Variants in PDXK observed in about 807,000 individuals in gnomAD.
The protein encoded by PDXK is pyridoxal kinase.
In PDXK, 15 loss-of-function variants were observed where a neutral mutation model predicts 43.2. The observed-to-expected ratio is 0.35, with a 90% CI of 0.23 to 0.53. The LOEUF (loss-of-function observed/expected upper bound fraction) is 0.53, where lower values mean the gene tolerates loss of function less well. Among genes scored for constraint, PDXK ranks in the 20% least tolerant of loss-of-function variants. The pLI is 0.92. For synonymous variants in PDXK, 172 were observed against 165.4 expected, an observed-to-expected ratio of 1.04 and a Z score of -0.31; for missense variants, 343 against 417.0, an observed-to-expected ratio of 0.82 and a Z score of 1.54.
intron 7 of PDXK, 100 bp from the exon 8 acceptor site, chr21:43,752,418 T>TC (rs2083769743): frequency 1.3e-6 from 1 of 776,774 alleles, no homozygotes; most frequent in Admixed American, 1.9e-5. Flanking sequence ...TGGCTGATGC[T>TC]CCCCGTGCCA....
At chr21:43,733,121 A>G (rs1393647173) in intron 1 of PDXK, among the ~76,000 whole-genome samples, 2 of 152,204 alleles carry the variant, frequency 1.3e-5, no homozygotes, top group Non-Finnish European at 2.9e-5. Context: ...TAGTTCAGTG[A>G]TAATACCGGC....
At chr21:43,743,135 C>T (rs2083568457) in intron 3 of PDXK, among the ~76,000 whole-genome samples, 1 of 103,480 alleles carries the variant, frequency 9.7e-6, no homozygotes, top group Non-Finnish European at 1.9e-5. Flanking sequence ...ACTATGGGGA[C>T]ACCTCGCCTG....
chr21:43,741,780 C>G lies in PDXK; in HGVS notation c.247+9C>G. 1 of 1,574,090 alleles carries G rather than the reference C, an allele frequency of 6.4e-7. No homozygotes were observed. Among genetic ancestry groups the G allele is most frequent in the South Asian group, 1.1e-5 (1 of 90,320 alleles). ...TGACTACGTGCTCACAGGTAGGTGC[C>G]GGAGCAAGCTGCCGCAGGGGACTAC... On this transcript the variant is annotated intron_variant, in intron 3 of 10. Coordinates refer to ENST00000291565, the MANE Select transcript of PDXK (RefSeq NM_003681.5).
chr21:43,722,174 T>G (rs914323567), intron 1 of PDXK, among the ~76,000 whole-genome samples: 2 of 151,930 alleles, frequency 1.3e-5, no homozygotes, highest in Admixed American at 6.6e-5. Context: ...CAGGAAGGAG[T>G]GGAGGGAACT....
In PDXK at chr21:43,732,644, G is replaced by C. The variant is rs1173658771; in HGVS notation, c.88-1425G>C. 2.6e-6 allele frequency: 2 copies of C among 781,038 alleles called. No homozygotes were observed. Among genetic ancestry groups the C allele is most frequent in the Non-Finnish European group, 4.8e-6 (2 of 419,332 alleles). 48.4% of individuals were successfully genotyped at this position (781,038 alleles called of 1,614,324 possible). ...GTTGCTTAATATCTGTTTCTTCACA[G>C]TCGGTTAGAATTTTAAAGGATTTGA... On this transcript the variant is annotated intron_variant, in intron 1 of 10. Coordinates refer to ENST00000291565, the MANE Select transcript of PDXK (RefSeq NM_003681.5). The surrounding 1 kb of genome is among the most constrained non-coding windows in gnomAD (Gnocchi z 4.1).
At chr21:43,726,964 C>T (rs968336821) in intron 1 of PDXK, among the ~76,000 whole-genome samples, 1 of 152,026 alleles carries the variant, frequency 6.6e-6, no homozygotes, top group Non-Finnish European at 1.5e-5. Context: ...CATGTCTGGG[C>T]ATGCATGCGT....
At position 43,732,412 on chromosome 21, in the gene PDXK, C is replaced by G. The variant is rs373564479; in HGVS notation, c.88-1657C>G. ...CTCTGGAAGCGTCCAGACCAGCTTGCGATGCTGATGAATAAGCTGATTTTG... is the reference window on the plus strand; with the variant it reads ...CTCTGGAAGCGTCCAGACCAGCTTGGGATGCTGATGAATAAGCTGATTTTG... On this transcript the variant is annotated intron_variant, in intron 1 of 10. Transcript: ENST00000291565. The surrounding 1 kb of genome is among the most constrained non-coding windows in gnomAD (Gnocchi z 4.1). 5 of 1,612,862 alleles carry G rather than the reference C, an allele frequency of 3.1e-6. No individual in the cohort carries two copies. The South Asian group carries it at 5.5e-5, about 18-fold the overall frequency.
At chr21:43,724,575 C>A (rs1016424508) in intron 1 of PDXK, among the ~76,000 whole-genome samples, 4 of 151,974 alleles carry the variant, frequency 2.6e-5, no homozygotes, top group African/African-American at 9.7e-5. Context: ...GGTGCGGTGG[C>A]TCACACCTAT....
At chr21:43,755,651 G>C in intron 9 of PDXK, 47 bp from the exon 10 acceptor site, 2 of 1,456,682 alleles carry the variant, frequency 1.4e-6, no homozygotes, top group Non-Finnish European at 1.9e-6. Context: ...GGGCACGTCG[G>C]GTGTTGTGAG....
rs746467291 is a variant in PDXK, at chr21:43,753,702, C to T, written c.742C>T (p.His248Tyr). 1 of 1,613,146 alleles carries T rather than the reference C, an allele frequency of 6.2e-7. No individual in the cohort carries two copies. Among genetic ancestry groups the T allele is most frequent in the East Asian group, 2.2e-5 (1 of 44,838 alleles). Reference protein sequence around the residue: ...AAMLLAWTHKHPNNLKVACEK... With the variant: ...AAMLLAWTHKYPNNLKVACEK... ...CATGCTCCTGGCGTGGACACACAAG[C>T]ACCCCAATAACCTCAAGGTCAGCCA... The change falls in exon 9 of 11, where the codon CAC becomes TAC. Residue 248 changes from histidine (H) to tyrosine (Y), a missense_variant. His to Tyr is a moderately conservative substitution (Grantham distance 83). Transcript: ENST00000291565.
intron 2 of PDXK, among the ~76,000 whole-genome samples, chr21:43,736,383 C>T (rs2083402107): frequency 6.6e-6 from 1 of 152,178 alleles, no homozygotes; most frequent in Non-Finnish European, 1.5e-5. Context: ...TGCCCAGGAC[C>T]AGCTCACGCC....
chr21:43,758,138 G>A lies in PDXK; in HGVS notation c.*2075G>A, dbSNP rs373238219. 1 of 153,684 alleles carries A rather than the reference G, an allele frequency of 6.5e-6. No homozygotes were observed. Among genetic ancestry groups the A allele is most frequent in the Non-Finnish European group, 1.5e-5 (1 of 68,044 alleles). The allele number at this position is 153,684 out of a possible 1,614,324, so 9.5% of individuals were successfully genotyped here. On this transcript the variant is annotated 3_prime_UTR_variant, in exon 11 of 11. Coordinates refer to ENST00000291565, the MANE Select transcript of PDXK (RefSeq NM_003681.5). ...TGCCCCTGCAGTGGGTGTTACGGGC[G>A]GTGTGCCCTGGCGAGCAAGCTTTGA... is the stretch of plus-strand genomic sequence containing the variant.
Position 43,756,303 on chromosome 21 carries a change from G to A in PDXK, c.*240G>A. On this transcript the variant is annotated 3_prime_UTR_variant, in exon 11 of 11. Transcript: ENST00000291565. ...GGCTCCCTTCCCCACAAGGCTCCTG[G>A]GCCTCCGGGAAGACGGGCCCCTGTT... 1 of 397,990 alleles carries A rather than the reference G, an allele frequency of 2.5e-6. No homozygotes were observed. The highest frequency in any genetic ancestry group is 4.6e-6 in the Non-Finnish European group (1 of 216,120). The allele number at this position is 397,990 out of a possible 1,614,324, so 24.7% of individuals were successfully genotyped here. A position where few individuals can be genotyped will look rare whatever the true frequency, so the allele number is the denominator to read the frequency against.
intron 2 of PDXK, among the ~76,000 whole-genome samples, chr21:43,740,358 C>T (rs1186833087): frequency 2.0e-5 from 3 of 152,130 alleles, no homozygotes; most frequent in Non-Finnish European, 4.4e-5. Flanking sequence ...CGCGTGGGCG[C>T]AGAGCCGGCC....
chr21:43,742,810 G>A (rs2083560317), intron 3 of PDXK, among the ~76,000 whole-genome samples: 1 of 152,194 alleles, frequency 6.6e-6, no homozygotes, highest in African/African-American at 2.4e-5. Context: ...CAAGGCTGCA[G>A]TGAGCTATGG....
intron 6 of PDXK, among the ~76,000 whole-genome samples, chr21:43,750,172 CTT>C (rs1348375882): frequency 6.6e-6 from 1 of 152,242 alleles, no homozygotes; most frequent in Non-Finnish European, 1.5e-5. Context: ...GGCTCTTTGA[CTT>C]TGTATGGATG....
chr21:43,725,886 C>G (rs573939473), intron 1 of PDXK, among the ~76,000 whole-genome samples: 15 of 152,230 alleles, frequency 9.9e-5, no homozygotes, highest in Non-Finnish European at 1.8e-4. Flanking sequence ...TCCGGTGGCC[C>G]GCACTAACTT....
At chr21:43,750,763 G>C (rs2083724533) in intron 7 of PDXK, among the ~76,000 whole-genome samples, 1 of 134,428 alleles carries the variant, frequency 7.4e-6, no homozygotes, top group South Asian at 2.5e-4. Context: ...GTGTGCGTGT[G>C]TGCGCGCGTA....
chr21:43,744,152 C>T (rs2083595763), intron 4 of PDXK, among the ~76,000 whole-genome samples: 1 of 151,878 alleles, frequency 6.6e-6, no homozygotes, highest in Admixed American at 6.6e-5. Context: ...GGGCAAGGGG[C>T]CACACCCAGG....
Sources: gnomAD v4.1 joint callset for allele counts (sites outside exome capture counted in the v4.1 genomes callset) on GRCh38, gnomAD v4.1.1 for gene constraint, Gnocchi (gnomAD v3.1) non-coding constraint, MANE v1.5 for transcripts, NCBI Gene and HGNC (gene_info 2026-07-23, HGNC 2026-07-21) for gene names.